The following DLGAP2 variants were observed in gnomAD, a reference collection of about 807,000 sequenced individuals.
DLGAP2 encodes the protein disks large-associated protein 2.
DLGAP2 carries 26 observed loss-of-function variants against 100.3 expected under a neutral mutation model. The ratio of observed to expected loss-of-function variants is 0.26; its 90% CI spans 0.19 to 0.36. The LOEUF is 0.36. Among genes scored for constraint, DLGAP2 ranks in the 10% least tolerant of loss-of-function variants. The pLI, the probability that DLGAP2 is intolerant of heterozygous loss-of-function variation, is 1.00. For missense variants in DLGAP2, 1,858 were observed against 1,453.2 expected, an observed-to-expected ratio of 1.28 and a Z score of -4.53; for synonymous variants, 886 against 630.1, an observed-to-expected ratio of 1.41 and a Z score of -6.08.
intron 1 of DLGAP2, among the ~76,000 whole-genome samples, chr8:826,161 C>CT (rs991389354): frequency 3.7e-4 from 56 of 152,324 alleles, no homozygotes; most frequent in African/African-American, 1.3e-3. Context: ...GGATCTCATT[C>CT]TTTTTTATGG....
At chr8:746,575 C>G (rs1478054284) in intron 1 of DLGAP2, among the ~76,000 whole-genome samples, 1 of 152,272 alleles carries the variant, frequency 6.6e-6, no homozygotes, top group African/African-American at 2.4e-5. Flanking sequence ...CTGCACCTGA[C>G]ACCTTGCTGG....
At chr8:1,033,960 G>A (rs1190892400) in intron 2 of DLGAP2, among the ~76,000 whole-genome samples, 19 of 119,280 alleles carry the variant, frequency 1.6e-4, no homozygotes, top group Admixed American at 1.5e-3. Context: ...CGCTCATCCC[G>A]ACCCCGCGTG....
intron 1 of DLGAP2, among the ~76,000 whole-genome samples, chr8:846,058 A>G (rs895997717): frequency 6.6e-6 from 1 of 152,254 alleles, no homozygotes; most frequent in Non-Finnish European, 1.5e-5. Flanking sequence ...ATGTTTTAAT[A>G]CATGTATAAA....
At chr8:1,655,143 GA>G (rs1563043720) in intron 8 of DLGAP2, among the ~76,000 whole-genome samples, 1 of 152,166 alleles carries the variant, frequency 6.6e-6, no homozygotes, top group East Asian at 1.9e-4. Flanking sequence ...GAACTTGTGG[GA>G]CCCACATAAT....
At chr8:1,058,210 G>A (rs569712035) in intron 2 of DLGAP2, among the ~76,000 whole-genome samples, 11 of 152,086 alleles carry the variant, frequency 7.2e-5, no homozygotes, top group South Asian at 2.1e-4. Context: ...GGGTGTGGCC[G>A]GATTGACTAG....
chr8:1,326,185 A>G (rs1210978847), intron 3 of DLGAP2, among the ~76,000 whole-genome samples: 2 of 152,232 alleles, frequency 1.3e-5, no homozygotes, highest in African/African-American at 2.4e-5. Flanking sequence ...AACTATTAGC[A>G]TGCTTTTACC....
intron 2 of DLGAP2, among the ~76,000 whole-genome samples, chr8:1,207,442 GTA>G (rs1338931386): frequency 2.0e-5 from 3 of 152,224 alleles, no homozygotes; most frequent in East Asian, 3.9e-4. Context: ...GTATTCCATG[GTA>G]TATATATACC....
chr8:1,110,070 A>C (rs1279319863), intron 2 of DLGAP2, among the ~76,000 whole-genome samples: 1 of 90,842 alleles, frequency 1.1e-5, no homozygotes, highest in Non-Finnish European at 2.1e-5. Flanking sequence ...ATGTGTGCAC[A>C]GGTCTGTGAG....
chr8:1,358,372 G>C (rs911588617), intron 3 of DLGAP2, among the ~76,000 whole-genome samples: 1 of 152,032 alleles, frequency 6.6e-6, no homozygotes, highest in Non-Finnish European at 1.5e-5. Flanking sequence ...GACAACTCAA[G>C]AGATCTGGTG....
intron 3 of DLGAP2, among the ~76,000 whole-genome samples, chr8:1,436,525 A>AC (rs1797634650): frequency 6.6e-6 from 1 of 152,180 alleles, no homozygotes; most frequent in African/African-American, 2.4e-5. Flanking sequence ...CCTCACAGAC[A>AC]ACCCAGGACA....
chr8:795,128 G>T (rs139349755), intron 1 of DLGAP2, among the ~76,000 whole-genome samples: 2 of 152,304 alleles, frequency 1.3e-5, no homozygotes, highest in Non-Finnish European at 2.9e-5. Context: ...GTGGGTTTTC[G>T]TTATTAACAG....
intron 3 of DLGAP2, among the ~76,000 whole-genome samples, chr8:1,440,023 G>A (rs1230508706): frequency 1.3e-5 from 2 of 152,212 alleles, no homozygotes; most frequent in African/African-American, 2.4e-5. Flanking sequence ...GAGTGAGGAT[G>A]TAAAGATACA....
intron 3 of DLGAP2, among the ~76,000 whole-genome samples, chr8:1,410,328 G>A (rs1045920014): frequency 3.3e-5 from 5 of 152,182 alleles, no homozygotes; most frequent in Admixed American, 1.3e-4. Context: ...TCACGCGTGC[G>A]GCACCGTGGC....
intron 3 of DLGAP2, among the ~76,000 whole-genome samples, chr8:1,499,164 A>G (rs544571244): frequency 1.3e-5 from 2 of 152,364 alleles, no homozygotes; most frequent in South Asian, 4.1e-4. Flanking sequence ...CCTCCAGCAA[A>G]TCGCAGGCTT....
chr8:783,410 C>G (rs1585858358), intron 1 of DLGAP2, among the ~76,000 whole-genome samples: 1 of 152,294 alleles, frequency 6.6e-6, no homozygotes, highest in East Asian at 1.9e-4. Flanking sequence ...ATATTACATA[C>G]ACGGGAAAGT....
rs576363608 is a variant in DLGAP2, at chr8:827,971, G to A, written c.19-79941G>A. On this transcript the variant is annotated intron_variant, in intron 1 of 14. Transcript: ENST00000637795. Reference sequence around the variant, plus strand: ...TGGTAGGATCCGTGATGCCCCACAAGCCACAAAAACCAGCAAGTCTTTATT... The same window carrying A: ...TGGTAGGATCCGTGATGCCCCACAAACCACAAAAACCAGCAAGTCTTTATT... Among the ~76,000 whole-genome samples, 63 of 152,282 alleles carry A rather than the reference G, an allele frequency of 4.1e-4. 1 individual carries two copies. Among genetic ancestry groups the A allele is most frequent in the African/African-American group, 1.5e-3 (63 of 41,552 alleles).
At chr8:848,866 G>A (rs578185456) in intron 1 of DLGAP2, among the ~76,000 whole-genome samples, 52 of 148,016 alleles carry the variant, frequency 3.5e-4, no homozygotes, top group Middle Eastern at 4.0e-3. Flanking sequence ...GCATAGGATC[G>A]CGCGGTGTCT....
intron 2 of DLGAP2, among the ~76,000 whole-genome samples, chr8:997,015 G>C (rs1443394490): frequency 6.6e-6 from 1 of 152,178 alleles, no homozygotes; most frequent in Non-Finnish European, 1.5e-5. Context: ...TATGATGGAA[G>C]GCATTGATTG....
chr8:1,218,123 T>C (rs905830057), intron 2 of DLGAP2, among the ~76,000 whole-genome samples: 1 of 152,230 alleles, frequency 6.6e-6, no homozygotes, highest in Non-Finnish European at 1.5e-5. Flanking sequence ...ATTTTTGTTT[T>C]TGTAGAAATT....
Sources: gnomAD v4.1 joint callset for allele counts (sites outside exome capture counted in the v4.1 genomes callset) on GRCh38, gnomAD v4.1.1 for gene constraint, MANE v1.5 for transcripts, NCBI Gene and HGNC (gene_info 2026-07-23, HGNC 2026-07-21) for gene names.